The following EPHB1 variants were observed in gnomAD, a reference collection of about 807,000 sequenced individuals.
EPHB1 encodes EPH receptor B1, also known as ephrin type-B receptor 1.
A neutral mutation model predicts 94.4 loss-of-function variants in EPHB1; 30 were observed. That is an observed-to-expected ratio of 0.32 (90% CI 0.24 to 0.43). The LOEUF (loss-of-function observed/expected upper bound fraction) is 0.43. EPHB1 is among the 20% of genes least tolerant of loss of function. The probability of loss-of-function intolerance (pLI) is 1.00; values close to 1 mark genes in which losing one functional copy is unlikely to be tolerated. For missense variants in EPHB1, 1,055 were observed against 1,308.3 expected, an observed-to-expected ratio of 0.81 and a Z score of 2.99; for synonymous variants, 522 against 489.1, an observed-to-expected ratio of 1.07 and a Z score of -0.89.
At chr3:135,246,752 A>G (rs778676951) in intron 13 of EPHB1, among the ~76,000 whole-genome samples, 15 of 152,178 alleles carry the variant, frequency 9.9e-5, no homozygotes, top group Non-Finnish European at 1.9e-4. Context: ...ACAGTGTTCA[A>G]AAGTGAGTAC....
At chr3:135,139,535 A>C (rs958237941) in intron 5 of EPHB1, among the ~76,000 whole-genome samples, 11 of 152,258 alleles carry the variant, frequency 7.2e-5, no homozygotes, top group Admixed American at 2.0e-4. Flanking sequence ...TGCTCTAGAC[A>C]CTGGGAACAC....
chr3:135,257,912 G>C (rs1023516977), intron 15 of EPHB1, among the ~76,000 whole-genome samples: 1 of 152,200 alleles, frequency 6.6e-6, no homozygotes, highest in Non-Finnish European at 1.5e-5. Context: ...ATATAATCTC[G>C]TGGTGCGCCG....
chr3:135,203,454 G>T (rs529824874), intron 12 of EPHB1, among the ~76,000 whole-genome samples: 4 of 152,208 alleles, frequency 2.6e-5, no homozygotes, highest in Non-Finnish European at 5.9e-5. Flanking sequence ...TTCCCCTGAG[G>T]CAGGGATTGG....
At chr3:134,933,268 C>T (rs765759113) in intron 2 of EPHB1, among the ~76,000 whole-genome samples, 1 of 152,186 alleles carries the variant, frequency 6.6e-6, no homozygotes, top group Non-Finnish European at 1.5e-5. Flanking sequence ...GCCCCAGCCC[C>T]TATAGCCTTT....
At chr3:135,064,961 C>A (rs574440156) in intron 3 of EPHB1, among the ~76,000 whole-genome samples, 2 of 152,098 alleles carry the variant, frequency 1.3e-5, no homozygotes, top group Non-Finnish European at 2.9e-5. Flanking sequence ...TTGTTTTTGA[C>A]CCAATGCTCA....
intron 1 of EPHB1, among the ~76,000 whole-genome samples, chr3:134,892,252 A>G (rs1578175164): frequency 6.6e-6 from 1 of 152,190 alleles, no homozygotes; most frequent in African/African-American, 2.4e-5. Context: ...GGGCATGACA[A>G]TACCAGCCAC....
Position 134,845,314 on chromosome 3 carries a change from T to G in EPHB1, c.58+49625T>G, listed in dbSNP as rs1188827735. 2.0e-5 allele frequency among the ~76,000 whole-genome samples: 3 copies of G among 152,364 alleles called. No individual in the cohort carries two copies. The East Asian group carries it at 5.8e-4, about 29-fold the overall frequency. ...TTCTTTCCATAAGATGTGGGATTGA[T>G]GAAGATAATATGCCTTGGGTGATCT... On this transcript the variant is annotated intron_variant, in intron 1 of 15. Transcript: ENST00000398015.
intron 2 of EPHB1, among the ~76,000 whole-genome samples, chr3:134,944,257 A>G (rs944773159): frequency 2.0e-5 from 3 of 152,148 alleles, no homozygotes; most frequent in African/African-American, 4.8e-5. Flanking sequence ...ACTTAGCATA[A>G]TGTTTTAGAG....
At chr3:134,969,679 G>A (rs2107726197) in intron 3 of EPHB1, among the ~76,000 whole-genome samples, 1 of 152,262 alleles carries the variant, frequency 6.6e-6, no homozygotes, top group African/African-American at 2.4e-5. Context: ...CACCCTCACA[G>A]GTCTGATGAC....
In EPHB1 at chr3:135,010,639, C is replaced by T. The variant is rs572387560; in HGVS notation, c.805+58587C>T. Among the ~76,000 whole-genome samples, 6 of 146,822 alleles carry T rather than the reference C, an allele frequency of 4.1e-5. No homozygotes were observed. In the South Asian group the frequency reaches 1.3e-3, roughly 33 times the overall value. On this transcript the variant is annotated intron_variant, in intron 3 of 15. Transcript: ENST00000398015. The stretch of plus-strand genomic sequence containing the variant: ...AGTGCAATGGCACGATCTTGGCTCA[C>T]TGCAACCTCTGACTCCCAGGTTCAA...
chr3:134,974,731 C>T (rs1238833508), intron 3 of EPHB1, among the ~76,000 whole-genome samples: 2 of 152,204 alleles, frequency 1.3e-5, no homozygotes, highest in Non-Finnish European at 2.9e-5. Context: ...AGCATATTGC[C>T]TGTTTCTTTC....
intron 1 of EPHB1, chr3:134,796,121 G>C (rs112831942): frequency 4.4e-6 from 1 of 227,100 alleles, no homozygotes; most frequent in African/African-American, 2.4e-5. Context: ...ATACGCTTCT[G>C]AGCAGCCGCG....
At chr3:135,185,853 C>T (rs1942312995) in intron 10 of EPHB1, among the ~76,000 whole-genome samples, 1 of 152,182 alleles carries the variant, frequency 6.6e-6, no homozygotes, top group Non-Finnish European at 1.5e-5. Flanking sequence ...ATACTCAAGC[C>T]TCGTTGTTGG....
chr3:134,867,442 G>A (rs2108306209), intron 1 of EPHB1, among the ~76,000 whole-genome samples: 1 of 152,294 alleles, frequency 6.6e-6, no homozygotes, highest in Admixed American at 6.5e-5. Context: ...GGCAGATGGA[G>A]TGGAGCGTGT....
chr3:135,030,339 C>T lies in EPHB1; in HGVS notation c.806-76109C>T, dbSNP rs185502495. On this transcript the variant is annotated intron_variant, in intron 3 of 15. Coordinates refer to ENST00000398015, the MANE Select transcript of EPHB1 (RefSeq NM_004441.5). The stretch of plus-strand genomic sequence containing the variant: ...TTCCATTTTTTCTGTTCTGTTTTTT[C>T]CCTATCTTTGTGGTTTTATCTACTT... 5.2e-3 allele frequency among the ~76,000 whole-genome samples: 796 copies of T among 152,256 alleles called. 7 individuals carry two copies. Among genetic ancestry groups the T allele is most frequent in the African/African-American group, 0.018 (731 of 41,544 alleles).
chr3:135,098,755 T>A (rs767066852), intron 3 of EPHB1, among the ~76,000 whole-genome samples: 11 of 152,260 alleles, frequency 7.2e-5, no homozygotes, highest in South Asian at 2.1e-4. Context: ...CTTACTCCAG[T>A]AATCCCAACA....
intron 3 of EPHB1, among the ~76,000 whole-genome samples, chr3:134,974,878 T>A (rs1311464992): frequency 6.6e-6 from 1 of 152,178 alleles, no homozygotes; most frequent in Non-Finnish European, 1.5e-5. Context: ...CAGCACACCC[T>A]TCCTGCTTGA....
At chr3:135,177,188 G>A (rs1942004492) in intron 9 of EPHB1, among the ~76,000 whole-genome samples, 2 of 152,242 alleles carry the variant, frequency 1.3e-5, no homozygotes, top group African/African-American at 2.4e-5. Flanking sequence ...GGTGTGTGCC[G>A]ACTTGTCACA....
intron 1 of EPHB1, among the ~76,000 whole-genome samples, chr3:134,807,629 T>G (rs529454241): frequency 5.3e-5 from 8 of 152,222 alleles, no homozygotes; most frequent in Admixed American, 2.0e-4. Flanking sequence ...GTCTCAGGAC[T>G]GTCTCCCTGT....
Sources: allele counts gnomAD v4.1 joint callset (sites outside exome capture counted in the v4.1 genomes callset), GRCh38; gene constraint gnomAD v4.1.1; transcripts MANE v1.5; gene names NCBI Gene and HGNC (gene_info 2026-07-23, HGNC 2026-07-21).